TRPM8: variants seen among roughly 807,000 people sequenced by gnomAD.
The protein encoded by TRPM8 is transient receptor potential cation channel subfamily M member 8, also known as TRPM8 cationic channel.
TRPM8 carries 110 observed loss-of-function variants against 133.7 expected under a neutral mutation model. The ratio of observed to expected loss-of-function variants is 0.82; its 90% CI spans 0.70 to 0.96. The LOEUF (loss-of-function observed/expected upper bound fraction) is 0.96. Among genes scored for constraint, TRPM8 ranks in the 40% least tolerant of loss-of-function variants. TRPM8 has a pLI of 0.00. For synonymous variants in TRPM8, 535 were observed against 532.3 expected (o/e 1.01, Z -0.07); for missense variants, 1,291 against 1,379.5 (o/e 0.94, Z 1.02).
chr2:233,932,395 T>C (rs1019216993), intron 3 of TRPM8, among the ~76,000 whole-genome samples: 9 of 152,200 alleles, frequency 5.9e-5, no homozygotes, highest in Non-Finnish European at 1.2e-4. Context: ...TTATGGCTCT[T>C]AATGGTCTTG....
intron 11 of TRPM8, 91 bp downstream of exon 11, chr2:233,955,341 A>G: frequency 1.1e-6 from 1 of 875,940 alleles, no homozygotes; most frequent in East Asian, 2.5e-5. Context: ...GGTCTTCAAT[A>G]CCAAATCTCT....
Position 233,927,850 on chromosome 2 carries a change from T to TTC in TRPM8, c.117+1196_117+1197insTC, listed in dbSNP as rs1491016554. 6.1e-4 allele frequency among the ~76,000 whole-genome samples: 37 copies of TTC among 60,966 alleles called. 5 individuals are homozygous for TTC. The highest frequency in any genetic ancestry group is 6.7e-3 in the Middle Eastern group (1 of 150). 40.0% of individuals were successfully genotyped at this position (60,966 alleles called of 152,430 possible). ...TTCCTTCCTTCCTTCCTTCCTTCCT[T>TTC]CCTTTCTTTCTCTTTCTTTCTTTCT... On this transcript the variant is annotated intron_variant, in intron 2 of 25. Transcript: ENST00000324695.
At chr2:233,952,936 G>A (rs1469495535) in intron 9 of TRPM8, among the ~76,000 whole-genome samples, 2 of 152,142 alleles carry the variant, frequency 1.3e-5, no homozygotes, top group African/African-American at 4.8e-5. Context: ...CCGCCTGTCA[G>A]TTCTAGCTGG....
At chr2:233,985,659 A>T in intron 20 of TRPM8, 29 bp from the exon 21 acceptor site, 1 of 1,608,008 alleles carries the variant, frequency 6.2e-7, no homozygotes, top group East Asian at 2.2e-5. Context: ...GAGGGTCCTC[A>T]CTTTGCCTGT....
At chr2:233,985,177 C>T (rs1182647417) in intron 20 of TRPM8, among the ~76,000 whole-genome samples, 1 of 152,176 alleles carries the variant, frequency 6.6e-6, no homozygotes, top group Non-Finnish European at 1.5e-5. Flanking sequence ...CACCACGGGG[C>T]CTTTGCCCAT....
rs1332264016 is a variant in TRPM8, at chr2:233,953,946, A to T, written c.1170A>T (p.Leu390=). 6.2e-7 allele frequency: 1 copy of T among 1,613,912 alleles called. No homozygotes were observed. The highest frequency in any genetic ancestry group is 1.3e-5 in the African/African-American group (1 of 74,928). ...AAGAAATTCTCGAATGTTCTCACCT[A>T]TTAACAGTTATTAAAATGGAAGAAG... ...WLKEILECSH[L]LTVIKMEEAG... The change falls in exon 10 of 26, where the codon CTA becomes CTT. Residue 390 remains leucine (L), a synonymous_variant. Coordinates refer to ENST00000324695, the MANE Select transcript of TRPM8 (RefSeq NM_024080.5).
intron 1 of TRPM8, among the ~76,000 whole-genome samples, chr2:233,918,345 A>C (rs914061210): frequency 1.3e-4 from 19 of 149,544 alleles, no homozygotes; most frequent in African/African-American, 4.1e-4. Flanking sequence ...TTATAGAAAT[A>C]ATATAATTAC....
At chr2:233,945,739 A>T in intron 6 of TRPM8, 117 bp from the exon 7 acceptor site, 1 of 808,546 alleles carries the variant, frequency 1.2e-6, no homozygotes, top group Non-Finnish European at 1.9e-6. Flanking sequence ...GGAATCTGGG[A>T]GGAGGCATAA....
At chr2:233,953,891 G>T (rs375276339) in intron 9 of TRPM8, 26 bp from the exon 10 acceptor site, 24 of 1,584,360 alleles carry the variant, frequency 1.5e-5, no homozygotes, top group Non-Finnish European at 2.1e-5. Flanking sequence ...TCTGTTGGCT[G>T]ACACTTTGTT....
At chr2:233,921,071 G>A (rs1691395908) in intron 1 of TRPM8, among the ~76,000 whole-genome samples, 1 of 151,966 alleles carries the variant, frequency 6.6e-6, no homozygotes, top group Non-Finnish European at 1.5e-5. Flanking sequence ...ATGTTGGCCA[G>A]GCTGGTCTCG....
intron 8 of TRPM8, among the ~76,000 whole-genome samples, chr2:233,948,476 T>A (rs565313999): frequency 3.7e-4 from 57 of 152,296 alleles, no homozygotes; most frequent in African/African-American, 1.3e-3. Flanking sequence ...CCAGCATAAA[T>A]GGCTCAAATC....
chr2:233,928,238 G>A (rs191397686), intron 2 of TRPM8, among the ~76,000 whole-genome samples: 54 of 152,096 alleles, frequency 3.6e-4, no homozygotes, highest in East Asian at 2.7e-3. Context: ...CAAAGTGCTG[G>A]GATCACAGGC....
In TRPM8 at chr2:233,976,924, G is replaced by A. The variant is rs74940186; in HGVS notation, c.2356-3264G>A. On this transcript the variant is annotated intron_variant, in intron 17 of 25. Transcript: ENST00000324695. ...TGCATTTGACATCCTAAATGGGATT[G>A]CTTTCCTCTAAGAAATAGTTCTGCT... 2.6e-5 allele frequency among the ~76,000 whole-genome samples: 4 copies of A among 152,260 alleles called. No individual in the cohort carries two copies. In the East Asian group the frequency reaches 7.7e-4, roughly 29 times the overall value.
At chr2:233,943,234 A>G (rs530196948) in intron 6 of TRPM8, among the ~76,000 whole-genome samples, 10 of 151,902 alleles carry the variant, frequency 6.6e-5, no homozygotes, top group South Asian at 6.2e-4. Flanking sequence ...AACATTAGGT[A>G]TATCTCCTAA....
rs55805312 is a variant in TRPM8 at position 234,018,845 on chromosome 2, A to AAAAT, written c.*1623_*1626dup. On this transcript the variant is annotated 3_prime_UTR_variant, in exon 26 of 26. Coordinates refer to ENST00000324695, the MANE Select transcript of TRPM8 (RefSeq NM_024080.5). ...GGGTGACAGAGTGAGACTCCGACTGAAAATAAATAAATAAATAAATAAATA... is the reference window on the plus strand; with the variant it reads ...GGGTGACAGAGTGAGACTCCGACTGAAAATAAATAAATAAATAAATAAATAAATA... The AAAAT allele has an allele frequency of 0.12, 16,612 of 141,754 alleles. 1,210 individuals carry two copies. The highest frequency in any genetic ancestry group is 0.33 in the East Asian group (1,637 of 4,910). 8.8% of individuals were successfully genotyped at this position (141,754 alleles called of 1,614,324 possible).
At chr2:234,009,764 T>G (rs1191485579) in intron 24 of TRPM8, among the ~76,000 whole-genome samples, 1 of 152,202 alleles carries the variant, frequency 6.6e-6, no homozygotes, top group African/African-American at 2.4e-5. Flanking sequence ...TTAGGGATAA[T>G]CTTTTGTTTC....
At chr2:233,948,006 G>C (rs1259707792) in intron 8 of TRPM8, among the ~76,000 whole-genome samples, 1 of 151,966 alleles carries the variant, frequency 6.6e-6, no homozygotes, top group Non-Finnish European at 1.5e-5. Flanking sequence ...ATTTTTCTAG[G>C]AATAGCACAT....
intron 21 of TRPM8, among the ~76,000 whole-genome samples, chr2:233,994,653 T>A (rs892693014): frequency 3.9e-5 from 6 of 152,190 alleles, no homozygotes; most frequent in African/African-American, 1.4e-4. Flanking sequence ...CAATAACCAT[T>A]GTCTGTGTTG....
intron 8 of TRPM8, 74 bp downstream of exon 8, chr2:233,947,229 G>T: frequency 6.3e-7 from 1 of 1,594,380 alleles, no homozygotes; most frequent in Non-Finnish European, 8.6e-7. Context: ...CAAGGATTTG[G>T]GCTCATCTAA....
Sources: gnomAD v4.1 joint callset for allele counts (sites outside exome capture counted in the v4.1 genomes callset) on GRCh38, gnomAD v4.1.1 for gene constraint, MANE v1.5 for transcripts, NCBI Gene and HGNC (gene_info 2026-07-23, HGNC 2026-07-21) for gene names.